The following NALCN variants were observed in gnomAD, a reference collection of about 807,000 sequenced individuals.
NALCN encodes the protein sodium leak channel, non-selective, also known as sodium leak channel NALCN.
Under a neutral mutation model 225.3 loss-of-function variants are expected in NALCN, and 111 were observed. The observed-to-expected ratio is 0.49, with a 90% CI of 0.42 to 0.58. NALCN has a LOEUF of 0.58. NALCN is among the 20% of genes least tolerant of loss of function. The pLI, the probability that NALCN is intolerant of heterozygous loss-of-function variation, is 0.00. For synonymous variants in NALCN, 764 were observed against 769.0 expected (o/e 0.99, Z 0.11); for missense variants, 1,378 against 2,202.4 (o/e 0.63, Z 7.49).
chr13:101,057,815 G>A (rs2139384441), intron 43 of NALCN, 124 bp downstream of exon 43: 1 of 793,986 alleles, frequency 1.3e-6, no homozygotes. Context: ...TTTTCATTAT[G>A]TTGCTGTCTG....
At chr13:101,153,605 T>C (rs2037759195) in intron 15 of NALCN, among the ~76,000 whole-genome samples, 1 of 152,202 alleles carries the variant, frequency 6.6e-6, no homozygotes, top group Non-Finnish European at 1.5e-5. Flanking sequence ...CCCACCCCTC[T>C]TCCAGCCTCT....
At chr13:101,295,090 A>G (rs2043694259) in intron 7 of NALCN, among the ~76,000 whole-genome samples, 1 of 152,112 alleles carries the variant, frequency 6.6e-6, no homozygotes, top group Non-Finnish European at 1.5e-5. Flanking sequence ...GCATCTGTTC[A>G]TAGGCTCTCC....
intron 30 of NALCN, among the ~76,000 whole-genome samples, chr13:101,086,219 C>G (rs2033923240): frequency 6.6e-6 from 1 of 151,796 alleles, no homozygotes; most frequent in Non-Finnish European, 1.5e-5. Context: ...CTTTCTTCCC[C>G]CCTACTTTAT....
chr13:101,300,614 C>A (rs574581841), intron 7 of NALCN, among the ~76,000 whole-genome samples: 1 of 152,092 alleles, frequency 6.6e-6, no homozygotes, highest in South Asian at 2.1e-4. Flanking sequence ...CACGCTCAGC[C>A]TCAAAAAAAT....
chr13:101,337,197 C>G (rs926202273), intron 7 of NALCN, among the ~76,000 whole-genome samples: 1 of 152,144 alleles, frequency 6.6e-6, no homozygotes, highest in African/African-American at 2.4e-5. Flanking sequence ...ATACAAGGGA[C>G]TAGACTTAAA....
upstream of NALCN, among the ~76,000 whole-genome samples, chr13:101,416,848 C>T (rs2047962246): frequency 6.6e-6 from 1 of 152,070 alleles, no homozygotes; most frequent in Non-Finnish European, 1.5e-5. Flanking sequence ...CACTTAAGTG[C>T]ACTGCCAGGA....
At chr13:101,172,758 G>A (rs561373147) in intron 15 of NALCN, among the ~76,000 whole-genome samples, 2 of 152,058 alleles carry the variant, frequency 1.3e-5, no homozygotes, top group African/African-American at 2.4e-5. Context: ...TAGTAGAGAC[G>A]GGATTTCACC....
intron 17 of NALCN, among the ~76,000 whole-genome samples, chr13:101,139,666 A>T (rs1184238554): frequency 1.3e-5 from 2 of 152,014 alleles, no homozygotes; most frequent in African/African-American, 4.8e-5. Flanking sequence ...TAGGATTTCC[A>T]AAGGCAATTG....
At chr13:101,376,859 A>C (rs770891822) in intron 5 of NALCN, 31 bp from the exon 6 acceptor site, 4 of 1,612,950 alleles carry the variant, frequency 2.5e-6, no homozygotes, top group Non-Finnish European at 3.4e-6. Flanking sequence ...AAAGTACATA[A>C]AACTTACAAA....
At chr13:101,141,697 C>A (rs555813663) in intron 17 of NALCN, among the ~76,000 whole-genome samples, 1 of 150,172 alleles carries the variant, frequency 6.7e-6, no homozygotes, top group African/African-American at 2.5e-5. Flanking sequence ...AAAGGGGAGG[C>A]GAGATAAAGA....
chr13:101,261,290 G>A (rs975735809), intron 10 of NALCN, among the ~76,000 whole-genome samples: 2 of 152,154 alleles, frequency 1.3e-5, no homozygotes, highest in African/African-American at 2.4e-5. Flanking sequence ...TTGAAGTCAG[G>A]TAATGTGATT....
chr13:101,066,299 A>G (rs1835040108), intron 39 of NALCN, among the ~76,000 whole-genome samples: 1 of 130,480 alleles, frequency 7.7e-6, no homozygotes. Flanking sequence ...ACAGAGTGGG[A>G]CTCCATCTCA....
At chr13:101,251,789 C>T (rs1380554704) in intron 11 of NALCN, among the ~76,000 whole-genome samples, 1 of 152,140 alleles carries the variant, frequency 6.6e-6, no homozygotes, top group Non-Finnish European at 1.5e-5. Flanking sequence ...AGTCTCAGCA[C>T]GTTTTGCTTC....
At position 101,177,423 on chromosome 13, in the gene NALCN, A is replaced by ATATATG. The variant is rs986032570; in HGVS notation, c.1765-1050_1765-1049insCATATA. Among the ~76,000 whole-genome samples, 33 of 142,630 alleles carry ATATATG rather than the reference A, an allele frequency of 2.3e-4. 2 individuals carry two copies. Among genetic ancestry groups the ATATATG allele is most frequent in the African/African-American group, 7.9e-4 (32 of 40,466 alleles). 93.6% of individuals were successfully genotyped at this position (142,630 alleles called of 152,430 possible). A position where few individuals can be genotyped will look rare whatever the true frequency, so the allele number is the denominator to read the frequency against. On this transcript the variant is annotated intron_variant, in intron 14 of 43. Transcript: ENST00000251127. ...AGTAAATACGAGTATATATATATAT[A>ATATATG]TATATATATGGTAGAAGCTCAACTA...
At chr13:101,186,049 G>A (rs2039435344) in intron 14 of NALCN, among the ~76,000 whole-genome samples, 2 of 152,216 alleles carry the variant, frequency 1.3e-5, no homozygotes, top group South Asian at 4.1e-4. Context: ...GTTTTTAGGG[G>A]CATGCAATGT....
At chr13:101,284,442 C>T (rs1047557911) in intron 9 of NALCN, among the ~76,000 whole-genome samples, 3 of 152,120 alleles carry the variant, frequency 2.0e-5, no homozygotes, top group African/African-American at 7.2e-5. Flanking sequence ...ATTTAGTGGA[C>T]AGTCTTCCAC....
chr13:101,149,537 T>C (rs2139817002), intron 15 of NALCN, among the ~76,000 whole-genome samples: 2 of 152,090 alleles, frequency 1.3e-5, no homozygotes, highest in East Asian at 3.9e-4. Flanking sequence ...TTCTAGGGAG[T>C]AGAAATAGAA....
intron 18 of NALCN, chr13:101,116,581 A>C (rs1358549063): frequency 2.0e-6 from 1 of 512,638 alleles, no homozygotes; most frequent in East Asian, 5.5e-5. Flanking sequence ...GTGTGGAAAA[A>C]GCCTATACAT....
At chr13:101,338,847 A>G (rs1006494675) in intron 7 of NALCN, among the ~76,000 whole-genome samples, 25 of 152,372 alleles carry the variant, frequency 1.6e-4, no homozygotes, top group African/African-American at 6.0e-4. Flanking sequence ...TGGTGGAAAC[A>G]GCAAGTATGG....
Sources: gnomAD v4.1 joint callset for allele counts (sites outside exome capture counted in the v4.1 genomes callset) on GRCh38, gnomAD v4.1.1 for gene constraint, MANE v1.5 for transcripts, NCBI Gene and HGNC (gene_info 2026-07-23, HGNC 2026-07-21) for gene names.